ARMC2: variants seen among roughly 807,000 people sequenced by gnomAD.
The protein encoded by ARMC2 is armadillo repeat-containing protein 2.
A neutral mutation model predicts 90.3 loss-of-function variants in ARMC2; 67 were observed. That is an observed-to-expected ratio of 0.74 (90% CI 0.61 to 0.91). ARMC2 has a LOEUF of 0.91. ARMC2 is among the 40% of genes least tolerant of loss of function. The probability of loss-of-function intolerance (pLI) is 0.00; values close to 1 mark genes in which losing one functional copy is unlikely to be tolerated. For synonymous variants in ARMC2, 393 were observed against 393.0 expected, an observed-to-expected ratio of 1.00 and a Z score of 0.00; for missense variants, 920 against 1,030.9, an observed-to-expected ratio of 0.89 and a Z score of 1.47.
the ARMC2 span, among the ~76,000 whole-genome samples, chr6:109,012,228 T>C: frequency 6.6e-6 from 1 of 152,044 alleles, no homozygotes; most frequent in South Asian, 2.1e-4. Context: ...TATTTAAACA[T>C]TTAATTTTGA....
chr6:108,911,580 A>G (rs1339428455), intron 9 of ARMC2, among the ~76,000 whole-genome samples: 1 of 152,190 alleles, frequency 6.6e-6, no homozygotes, highest in Non-Finnish European at 1.5e-5. Flanking sequence ...GCAACATGGA[A>G]AATACATTGA....
In ARMC2 at chr6:108,868,854, G is replaced by A; in HGVS notation, c.322G>A (p.Glu108Lys). Residue 108 changes from glutamate (E) to lysine (K), a missense_variant, in exon 4 of 18, where the codon GAG (glutamate) becomes AAG (lysine). Glu to Lys is a moderately conservative substitution (Grantham distance 56). Transcript: ENST00000392644. Reference protein sequence around the residue: ...KPKVPASPTREEDSCFSFPKP... With the variant: ...KPKVPASPTRKEDSCFSFPKP... ...GAAAGTTCCAGCATCTCCCACCAGAGAGGAGGATTCCTGCTTTTCCTTTCC... is the reference window on the plus strand; with the variant it reads ...GAAAGTTCCAGCATCTCCCACCAGAAAGGAGGATTCCTGCTTTTCCTTTCC... The A allele has an allele frequency of 6.2e-7, 1 of 1,613,712 alleles. No homozygotes were observed. The highest frequency in any genetic ancestry group is 8.5e-7 in the Non-Finnish European group (1 of 1,179,776).
chr6:109,007,410 A>G, the ARMC2 span, among the ~76,000 whole-genome samples: 1 of 152,186 alleles, frequency 6.6e-6, no homozygotes, highest in African/African-American at 2.4e-5. Flanking sequence ...CCACCTGCAA[A>G]ATTAGTTGAG....
intron 13 of ARMC2, among the ~76,000 whole-genome samples, chr6:108,960,036 G>A (rs1583216836): frequency 2.0e-5 from 3 of 152,020 alleles, no homozygotes; most frequent in South Asian, 2.1e-4. Flanking sequence ...TGCCCAGGCC[G>A]GTCTGATTGC....
At chr6:108,917,250 C>T (rs868137273) in intron 10 of ARMC2, among the ~76,000 whole-genome samples, 15 of 152,238 alleles carry the variant, frequency 9.9e-5, no homozygotes, top group African/African-American at 3.6e-4. Context: ...CCACAGCCCC[C>T]TACCCCCGCT....
downstream of ARMC2, among the ~76,000 whole-genome samples, chr6:108,977,984 A>G (rs1779018027): frequency 6.6e-6 from 1 of 151,916 alleles, no homozygotes; most frequent in South Asian, 2.1e-4. Flanking sequence ...AGGTTTTTTT[A>G]TGTCTCTATC....
At chr6:108,981,660 T>G in the ARMC2 span, among the ~76,000 whole-genome samples, 31 of 149,496 alleles carry the variant, frequency 2.1e-4, no homozygotes, top group East Asian at 5.9e-3. Context: ...TTTCCTTACT[T>G]TTTTTTTTTT....
the ARMC2 span, among the ~76,000 whole-genome samples, chr6:109,025,812 A>T: frequency 6.6e-6 from 1 of 152,114 alleles, no homozygotes; most frequent in Non-Finnish European, 1.5e-5. Flanking sequence ...GAGAGAGAAA[A>T]TAAAAGACAT....
the ARMC2 span, among the ~76,000 whole-genome samples, chr6:109,039,913 G>A: frequency 2.0e-5 from 3 of 152,176 alleles, no homozygotes; most frequent in South Asian, 2.1e-4. Context: ...ACAGTCAAGG[G>A]GGATTATTTC....
At chr6:109,011,052 T>C in the ARMC2 span, among the ~76,000 whole-genome samples, 1 of 152,244 alleles carries the variant, frequency 6.6e-6, no homozygotes, top group Non-Finnish European at 1.5e-5. Context: ...TGAGGTATGA[T>C]TTTATTTCTG....
At chr6:108,915,184 G>A (rs1281273601) in intron 10 of ARMC2, among the ~76,000 whole-genome samples, 4 of 152,122 alleles carry the variant, frequency 2.6e-5, no homozygotes, top group Non-Finnish European at 5.9e-5. Context: ...TCAAACTCAT[G>A]ACCTCAGGTG....
At chr6:109,011,611 T>C in the ARMC2 span, among the ~76,000 whole-genome samples, 7 of 151,510 alleles carry the variant, frequency 4.6e-5, no homozygotes, top group Admixed American at 2.6e-4. Context: ...TTCCAACAAA[T>C]GTATTTTTAA....
rs60732835 is a variant in ARMC2, at chr6:108,892,631, C to A, written c.672-1836C>A. On this transcript the variant is annotated intron_variant, in intron 5 of 17. Coordinates refer to ENST00000392644, the MANE Select transcript of ARMC2 (RefSeq NM_032131.6). ...AAAATTAGCCAGGCATGGTGGCACA[C>A]GCCTGTAATCCCAGCTACTCGGGAG... is the stretch of plus-strand genomic sequence containing the variant. Among the ~76,000 whole-genome samples the A allele has an allele frequency of 2.7e-3, 413 of 151,938 alleles. 4 individuals are homozygous for A. Among genetic ancestry groups the A allele is most frequent in the Admixed American group, 0.026 (390 of 15,244 alleles).
chr6:108,950,951 G>T (rs1777138491), intron 12 of ARMC2, among the ~76,000 whole-genome samples: 1 of 152,144 alleles, frequency 6.6e-6, no homozygotes, highest in East Asian at 1.9e-4. Context: ...GAGACTACTA[G>T]GCCTGTGCCA....
chr6:108,954,190 G>A (rs997682178), intron 13 of ARMC2, among the ~76,000 whole-genome samples: 1 of 152,194 alleles, frequency 6.6e-6, no homozygotes, highest in African/African-American at 2.4e-5. Flanking sequence ...CATATTGGGA[G>A]TAGAGCTTCA....
In ARMC2 at chr6:108,967,548, A is replaced by G. The variant is rs569260881; in HGVS notation, c.2446+2408A>G. Among the ~76,000 whole-genome samples, 3 of 152,304 alleles carry G rather than the reference A, an allele frequency of 2.0e-5. No individual in the cohort carries two copies. In the East Asian group the frequency reaches 5.8e-4, roughly 29 times the overall value. ...GGGGATTGGTTTCAGGGCCTGCCTC[A>G]GATACCAACACAGATGCCCAAGTGC... On this transcript the variant is annotated intron_variant, in intron 17 of 17. Transcript: ENST00000392644.
intron 2 of ARMC2, among the ~76,000 whole-genome samples, chr6:108,855,204 T>G (rs1439662987): frequency 6.6e-6 from 1 of 152,128 alleles, no homozygotes; most frequent in South Asian, 2.1e-4. Flanking sequence ...TAAACATCCA[T>G]GTGTAAGTTT....
chr6:108,895,462 C>G (rs1267466934), intron 6 of ARMC2, among the ~76,000 whole-genome samples: 4 of 124,720 alleles, frequency 3.2e-5, no homozygotes. Context: ...CCAGCCTGGG[C>G]GACAGAGCGA....
chr6:108,894,466 G>T lies in ARMC2; in HGVS notation c.672-1G>T. 6.2e-7 allele frequency: 1 copy of T among 1,607,402 alleles called. No individual in the cohort carries two copies. The highest frequency in any genetic ancestry group is 8.5e-7 in the Non-Finnish European group (1 of 1,177,580). The stretch of plus-strand genomic sequence containing the variant: ...CTGAGTGTTTTATGTATTCCTCCTA[G>T]GGACCAGGGGAAGAGACATGCGAGG... On this transcript the variant is annotated splice_acceptor_variant, in intron 5 of 17. Coordinates refer to ENST00000392644, the MANE Select transcript of ARMC2 (RefSeq NM_032131.6). LOFTEE classifies it high-confidence loss of function.
Sources: gnomAD v4.1 joint callset for allele counts (sites outside exome capture counted in the v4.1 genomes callset) on GRCh38, gnomAD v4.1.1 for gene constraint, MANE v1.5 for transcripts, NCBI Gene and HGNC (gene_info 2026-07-23, HGNC 2026-07-21) for gene names.